DLG2: variants seen among roughly 807,000 people sequenced by gnomAD.
DLG2 encodes the protein discs large MAGUK scaffold protein 2.
In DLG2, 45 loss-of-function variants were observed where a neutral mutation model predicts 132.5. The ratio of observed to expected loss-of-function variants is 0.34; its 90% CI spans 0.27 to 0.44. The LOEUF is 0.44. Among genes scored for constraint, DLG2 ranks in the 20% least tolerant of loss-of-function variants. The pLI is 1.00. For missense variants in DLG2, 1,045 were observed against 1,196.9 expected (o/e 0.87, Z 1.87); for synonymous variants, 424 against 419.6 (o/e 1.01, Z -0.13).
intron 6 of DLG2, among the ~76,000 whole-genome samples, chr11:84,691,479 G>A (rs1274194881): frequency 6.6e-6 from 1 of 151,692 alleles, no homozygotes; most frequent in Non-Finnish European, 1.5e-5. Flanking sequence ...AAAAAACTAT[G>A]TTAAAGCATT....
At chr11:83,935,455 G>A (rs1051481984) in intron 14 of DLG2, among the ~76,000 whole-genome samples, 5 of 152,174 alleles carry the variant, frequency 3.3e-5, no homozygotes, top group African/African-American at 1.2e-4. Context: ...AAATGGTTAA[G>A]AAAGAGGCTG....
intron 7 of DLG2, among the ~76,000 whole-genome samples, chr11:84,417,963 C>G (rs911249290): frequency 2.0e-5 from 3 of 152,174 alleles, no homozygotes; most frequent in African/African-American, 7.2e-5. Flanking sequence ...CTAAATTATA[C>G]ACTTTACATG....
At chr11:85,562,680 C>A (rs1400589043) in intron 3 of DLG2, among the ~76,000 whole-genome samples, 1 of 151,618 alleles carries the variant, frequency 6.6e-6, no homozygotes, top group Non-Finnish European at 1.5e-5. Context: ...TTGTCTCATG[C>A]CTTTCATCAA....
At chr11:84,144,564 C>G (rs1026161131) in intron 9 of DLG2, among the ~76,000 whole-genome samples, 17 of 152,060 alleles carry the variant, frequency 1.1e-4, no homozygotes, top group African/African-American at 2.9e-4. Context: ...CAGCTTCTAG[C>G]AAAGCACAGG....
At chr11:84,774,634 A>C (rs370640770) in intron 6 of DLG2, among the ~76,000 whole-genome samples, 7 of 152,202 alleles carry the variant, frequency 4.6e-5, no homozygotes, top group Admixed American at 3.9e-4. Flanking sequence ...CGCAGAAATA[A>C]AGCTGCACAA....
intron 6 of DLG2, among the ~76,000 whole-genome samples, chr11:84,716,313 T>C (rs1191249890): frequency 1.3e-5 from 2 of 152,108 alleles, no homozygotes; most frequent in African/African-American, 2.4e-5. Flanking sequence ...AAGGAATAAT[T>C]GTAGAGAATA....
At chr11:85,492,044 A>G (rs749042102) in intron 3 of DLG2, among the ~76,000 whole-genome samples, 2 of 152,158 alleles carry the variant, frequency 1.3e-5, no homozygotes, top group African/African-American at 2.4e-5. Context: ...AAAGCCAGAC[A>G]CATAAATCAA....
chr11:84,224,678 C>T lies in DLG2; in HGVS notation c.573+26560G>A, dbSNP rs577698420. Among the ~76,000 whole-genome samples, 10 of 152,276 alleles carry T rather than the reference C, an allele frequency of 6.6e-5. No individual in the cohort carries two copies. In the East Asian group the frequency reaches 1.2e-3, roughly 18 times the overall value. Reference sequence around the variant, plus strand: ...CTCAAGGTCACACAGGTTGCAGAACCTAAATTCAAATCCCTGCAGTTTGGC... The same window carrying T: ...CTCAAGGTCACACAGGTTGCAGAACTTAAATTCAAATCCCTGCAGTTTGGC... On this transcript the variant is annotated intron_variant, in intron 8 of 27. Transcript: ENST00000376104.
intron 12 of DLG2, among the ~76,000 whole-genome samples, chr11:83,980,276 G>C (rs2092668859): frequency 6.6e-6 from 1 of 152,176 alleles, no homozygotes; most frequent in African/African-American, 2.4e-5. Flanking sequence ...TGAGGACACA[G>C]TGAGAAGGTG....
intron 7 of DLG2, among the ~76,000 whole-genome samples, chr11:84,324,130 A>G (rs1392795511): frequency 7.9e-5 from 12 of 152,212 alleles, no homozygotes; most frequent in Admixed American, 2.6e-4. Flanking sequence ...AAGAAATCGC[A>G]GTAAAGACCA....
intron 19 of DLG2, among the ~76,000 whole-genome samples, chr11:83,583,681 C>A (rs969597899): frequency 6.6e-6 from 1 of 152,208 alleles, no homozygotes; most frequent in African/African-American, 2.4e-5. Flanking sequence ...CTCAGTTCTT[C>A]TTCTGGACGA....
chr11:83,639,616 G>C (rs1206061855), intron 18 of DLG2, among the ~76,000 whole-genome samples: 1 of 151,504 alleles, frequency 6.6e-6, no homozygotes, highest in East Asian at 1.9e-4. Context: ...GTGGGGTGGG[G>C]GGATGGGGGA....
chr11:83,598,426 G>A (rs1594185947), intron 19 of DLG2, among the ~76,000 whole-genome samples: 1 of 152,292 alleles, frequency 6.6e-6, no homozygotes, highest in African/African-American at 2.4e-5. Flanking sequence ...GCTGCTTATT[G>A]GAAAAGTTTA....
intron 3 of DLG2, among the ~76,000 whole-genome samples, chr11:85,475,732 G>T (rs1190913997): frequency 1.3e-5 from 2 of 151,820 alleles, no homozygotes; most frequent in Non-Finnish European, 2.9e-5. Context: ...TTCTTATTAG[G>T]CATTGTCATT....
intron 7 of DLG2, among the ~76,000 whole-genome samples, chr11:84,529,571 G>A (rs1358910356): frequency 2.0e-5 from 3 of 152,098 alleles, no homozygotes; most frequent in African/African-American, 4.8e-5. Flanking sequence ...AAATACCTAT[G>A]AATACAGCTA....
intron 6 of DLG2, among the ~76,000 whole-genome samples, chr11:84,954,986 T>C (rs2051449489): frequency 6.6e-6 from 1 of 152,174 alleles, no homozygotes; most frequent in African/African-American, 2.4e-5. Flanking sequence ...ATAACCTCTA[T>C]CACAATTACC....
chr11:84,975,522 A>G (rs1414028062), intron 6 of DLG2, among the ~76,000 whole-genome samples: 4 of 152,230 alleles, frequency 2.6e-5, no homozygotes, highest in African/African-American at 4.8e-5. Flanking sequence ...TAAGCTTAGC[A>G]GAATTAGAAA....
intron 22 of DLG2, among the ~76,000 whole-genome samples, chr11:83,479,957 G>A (rs746101205): frequency 2.0e-5 from 3 of 151,968 alleles, no homozygotes; most frequent in Non-Finnish European, 4.4e-5. Flanking sequence ...TCCTATAAAG[G>A]GGAGCCAAGA....
intron 6 of DLG2, among the ~76,000 whole-genome samples, chr11:84,684,160 T>C (rs1253929697): frequency 6.6e-6 from 1 of 152,200 alleles, no homozygotes; most frequent in Non-Finnish European, 1.5e-5. Flanking sequence ...ATTTTCTACT[T>C]TGGCTACAAT....
Sources: allele counts gnomAD v4.1 joint callset (sites outside exome capture counted in the v4.1 genomes callset), GRCh38; gene constraint gnomAD v4.1.1; transcripts MANE v1.5; gene names NCBI Gene and HGNC (gene_info 2026-07-23, HGNC 2026-07-21).